THRB: variants seen among roughly 807,000 people sequenced by gnomAD.
THRB encodes the protein nuclear receptor subfamily 1 group A member 2.
THRB carries 12 observed loss-of-function variants against 47.8 expected under a neutral mutation model. That is an observed-to-expected ratio of 0.25 (90% CI 0.16 to 0.41). The LOEUF (loss-of-function observed/expected upper bound fraction) is 0.41, where lower values mean the gene tolerates loss of function less well. Among genes scored for constraint, THRB ranks in the 10% least tolerant of loss-of-function variants. The pLI is 1.00. For missense variants in THRB, 348 were observed against 589.2 expected (o/e 0.59, Z 4.24); for synonymous variants, 218 against 212.2 (o/e 1.03, Z -0.24).
At chr3:24,310,306 G>A (rs954646620) in intron 2 of THRB, among the ~76,000 whole-genome samples, 18 of 152,104 alleles carry the variant, frequency 1.2e-4, no homozygotes, top group African/African-American at 4.3e-4. Context: ...AATAACCTTT[G>A]CTTTTTAAAA....
At chr3:24,281,999 C>A (rs201829303) in intron 3 of THRB, among the ~76,000 whole-genome samples, 1 of 136,534 alleles carries the variant, frequency 7.3e-6, no homozygotes, top group Non-Finnish European at 1.5e-5. Flanking sequence ...GACTTTAACA[C>A]CCCACCATCA....
At chr3:24,245,001 G>T (rs189828632) in intron 3 of THRB, among the ~76,000 whole-genome samples, 19 of 152,250 alleles carry the variant, frequency 1.2e-4, no homozygotes, top group Admixed American at 1.2e-3. Flanking sequence ...TGCACAAAGG[G>T]TCTGTTTGAA....
chr3:24,265,019 A>T (rs943051873), intron 3 of THRB, among the ~76,000 whole-genome samples: 4 of 152,154 alleles, frequency 2.6e-5, no homozygotes, highest in African/African-American at 9.6e-5. Context: ...TAGACAGAGA[A>T]TGCCTCGAGG....
chr3:24,486,272 T>C (rs978121153), intron 1 of THRB: 3 of 152,172 alleles, frequency 2.0e-5, no homozygotes, highest in Non-Finnish European at 2.9e-5. Flanking sequence ...AAAACTCAAA[T>C]AGTACCTCTG....
intron 3 of THRB, among the ~76,000 whole-genome samples, chr3:24,253,474 C>T (rs1326167625): frequency 6.6e-6 from 1 of 152,152 alleles, no homozygotes; most frequent in Non-Finnish European, 1.5e-5. Context: ...AAATAAATGT[C>T]ACATGGAATA....
At chr3:24,371,593 A>C (rs2064916571) in intron 1 of THRB, among the ~76,000 whole-genome samples, 1 of 152,076 alleles carries the variant, frequency 6.6e-6, no homozygotes, top group South Asian at 2.1e-4. Context: ...AGTGTGGATG[A>C]GTGTTGGCCA....
chr3:24,316,417 T>G (rs1283833343), intron 2 of THRB, among the ~76,000 whole-genome samples: 1 of 151,978 alleles, frequency 6.6e-6, no homozygotes, highest in Non-Finnish European at 1.5e-5. Context: ...CTTCCTTCCT[T>G]TTTTCCTTTC....
rs1364646667 is a variant in THRB, at chr3:24,118,171, T to C, written c.*4713A>G. 1 of 152,670 alleles carries C rather than the reference T, an allele frequency of 6.6e-6. No individual in the cohort carries two copies. The highest frequency in any genetic ancestry group is 1.5e-5 in the Non-Finnish European group (1 of 68,044). The allele number at this position is 152,670 out of a possible 1,614,324, so 9.5% of individuals were successfully genotyped here. A position where few individuals can be genotyped will look rare whatever the true frequency, so the allele number is the denominator to read the frequency against. On this transcript the variant is annotated 3_prime_UTR_variant, in exon 11 of 11. Coordinates refer to ENST00000646209, the MANE Select transcript of THRB (RefSeq NM_001354712.2). The stretch of plus-strand genomic sequence containing the variant: ...AGAAGAGCAGGCAACTCTTTGCCTA[T>C]GTAGAAAATAATAATATTTAAAGAA...
At chr3:24,472,772 G>T (rs1445375997) in intron 1 of THRB, among the ~76,000 whole-genome samples, 2 of 152,160 alleles carry the variant, frequency 1.3e-5, no homozygotes, top group African/African-American at 4.8e-5. Context: ...CTCACAGACA[G>T]GTTTCAAGGG....
intron 4 of THRB, among the ~76,000 whole-genome samples, chr3:24,212,577 CAAA>C (rs1199010853): frequency 9.5e-4 from 80 of 84,094 alleles, no homozygotes; most frequent in African/African-American, 3.3e-3. Context: ...GACTCCGTCT[CAAA>C]AAAAAAAAAA....
intron 2 of THRB, among the ~76,000 whole-genome samples, chr3:24,327,016 G>C (rs1478592699): frequency 6.6e-6 from 1 of 152,010 alleles, no homozygotes; most frequent in East Asian, 1.9e-4. Context: ...GCCCGCCTCA[G>C]CTTCCCAAAG....
intron 8 of THRB, among the ~76,000 whole-genome samples, chr3:24,136,175 A>G (rs2034648828): frequency 6.6e-6 from 1 of 152,206 alleles, no homozygotes; most frequent in Non-Finnish European, 1.5e-5. Context: ...AAGTAAAACT[A>G]AACCCCCAAA....
At chr3:24,246,104 A>T (rs2050091521) in intron 3 of THRB, among the ~76,000 whole-genome samples, 1 of 152,056 alleles carries the variant, frequency 6.6e-6, no homozygotes, top group Admixed American at 6.5e-5. Context: ...TCCCTTACGG[A>T]GATGTTGTAG....
Position 24,120,295 on chromosome 3 carries a change from C to T in THRB, c.*2589G>A, listed in dbSNP as rs1379063685. 6.6e-6 allele frequency: 1 copy of T among 152,166 alleles called. No homozygotes were observed. The highest frequency in any genetic ancestry group is 1.5e-5 in the Non-Finnish European group (1 of 68,036). 9.4% of individuals were successfully genotyped at this position (152,166 alleles called of 1,614,324 possible). On this transcript the variant is annotated 3_prime_UTR_variant, in exon 11 of 11. Coordinates refer to ENST00000646209, the MANE Select transcript of THRB (RefSeq NM_001354712.2). ...CGAGATTTCCAGACCAGCAGTTTGC[C>T]TATTGAAGGCAATCAATCATTTAAG...
intron 3 of THRB, chr3:24,238,188 T>C (rs1190576711): frequency 6.2e-5 from 9 of 144,738 alleles, no homozygotes; most frequent in Non-Finnish European, 1.3e-4. Flanking sequence ...GGCCAAAGCA[T>C]GCTGTTAAAA....
At chr3:24,304,593 C>T (rs1056368229) in intron 2 of THRB, among the ~76,000 whole-genome samples, 6 of 151,230 alleles carry the variant, frequency 4.0e-5, no homozygotes, top group Admixed American at 2.0e-4. Context: ...AGAACTAAGA[C>T]GTTAACATAG....
chr3:24,255,490 T>C (rs556021129), intron 3 of THRB, among the ~76,000 whole-genome samples: 6 of 152,328 alleles, frequency 3.9e-5, no homozygotes, highest in South Asian at 2.1e-4. Context: ...AAGCTATGTG[T>C]CATTTTCCTT....
chr3:24,248,862 C>G (rs2050375319), intron 3 of THRB, among the ~76,000 whole-genome samples: 1 of 152,168 alleles, frequency 6.6e-6, no homozygotes, highest in South Asian at 2.1e-4. Context: ...TGTTTCCCAA[C>G]TCTGAGGGTG....
At chr3:24,296,819 A>T (rs2056486951) in intron 3 of THRB, among the ~76,000 whole-genome samples, 1 of 152,326 alleles carries the variant, frequency 6.6e-6, no homozygotes, top group South Asian at 2.1e-4. Context: ...CACACACTTT[A>T]GGTTTGAGTT....
Sources: allele counts gnomAD v4.1 joint callset (sites outside exome capture counted in the v4.1 genomes callset), GRCh38; gene constraint gnomAD v4.1.1; transcripts MANE v1.5; gene names NCBI Gene and HGNC (gene_info 2026-07-23, HGNC 2026-07-21).